CDK2: variants seen among roughly 807,000 people sequenced by gnomAD.
The protein encoded by CDK2 is cyclin-dependent kinase 2.
A neutral mutation model predicts 35.0 loss-of-function variants in CDK2; 8 were observed. The observed-to-expected ratio is 0.23, with a 90% CI of 0.13 to 0.41. The LOEUF is 0.41. Among genes scored for constraint, CDK2 ranks in the 10% least tolerant of loss-of-function variants. CDK2 has a pLI of 1.00. For synonymous variants in CDK2, 134 were observed against 137.7 expected (o/e 0.97, Z 0.19); for missense variants, 201 against 367.1 (o/e 0.55, Z 3.70).
In CDK2 at chr12:55,972,029, C is replaced by A; in HGVS notation, c.*404C>A. ...CTGCTGCCACAATGTTTATAAAGGC[C>A]AAATGATAGCGGGGGCTAAGTTGGT... On this transcript the variant is annotated 3_prime_UTR_variant, in exon 7 of 7. Coordinates refer to ENST00000266970, the MANE Select transcript of CDK2 (RefSeq NM_001798.5). The A allele has an allele frequency of 5.8e-6, 1 of 172,632 alleles. No homozygotes were observed. The highest frequency in any genetic ancestry group is 1.2e-5 in the Non-Finnish European group (1 of 81,196). The allele number at this position is 172,632 out of a possible 1,614,324, so 10.7% of individuals were successfully genotyped here.
intron 3 of CDK2, 128 bp downstream of exon 3, chr12:55,968,297 C>T (rs908577230): frequency 1.0e-5 from 9 of 894,576 alleles, no homozygotes; most frequent in Non-Finnish European, 1.2e-5. Context: ...ACACACTCCC[C>T]TTCTTTTTGT....
chr12:55,970,945 C>T (rs1466936751), intron 5 of CDK2, 99 bp from the exon 6 acceptor site: 2 of 1,024,404 alleles, frequency 2.0e-6, no homozygotes, highest in East Asian at 2.4e-5. Flanking sequence ...TCATGGGGCC[C>T]TGCTGACCTT....
rs1046975536 is a variant in CDK2 at position 55,971,848 on chromosome 12, A to G, written c.*223A>G. 3.9e-6 allele frequency: 2 copies of G among 510,030 alleles called. No homozygotes were observed. 31.6% of individuals were successfully genotyped at this position (510,030 alleles called of 1,614,324 possible). A position where few individuals can be genotyped will look rare whatever the true frequency, so the allele number is the denominator to read the frequency against. ...ATTAGATGCACTTAAGTTAGCCTCC[A>G]CCACCCTTTCCCCCTTCTCTTAGTT... On this transcript the variant is annotated 3_prime_UTR_variant, in exon 7 of 7. Coordinates refer to ENST00000266970, the MANE Select transcript of CDK2 (RefSeq NM_001798.5).
intron 5 of CDK2, chr12:55,970,537 A>G (rs2069408): frequency 0.28 from 188,678 of 682,372 alleles, 28,343 homozygotes; most frequent in Non-Finnish European, 0.33. Flanking sequence ...TTATCCCCCC[A>G]GTGCATTACC....
rs1889468419 is a variant in CDK2, at chr12:55,971,303, A to G, written c.792+56A>G. 2.0e-6 allele frequency: 3 copies of G among 1,536,388 alleles called. No individual in the cohort carries two copies. In the South Asian group the frequency reaches 3.4e-5, roughly 17 times the overall value. ...ATTTCTCCCAGGGAAGGGCTTTTCC[A>G]GGATGAAGGAAGGATGAGACCCTGA... On this transcript the variant is annotated intron_variant, in intron 6 of 6. Coordinates refer to ENST00000266970, the MANE Select transcript of CDK2 (RefSeq NM_001798.5).
At position 55,967,086 on chromosome 12, in the gene CDK2, G is replaced by C; in HGVS notation, c.78G>C (p.Thr26=). Residue 26 remains threonine (T), a synonymous_variant, in exon 1 of 7, where the codon ACG becomes ACC. Transcript: ENST00000266970. ...TGTACAAAGCCAGAAACAAGTTGAC[G>C]GGAGAGGTGGTGGCGCTTAAGAAAA... The part of the protein sequence containing the change: ...GVVYKARNKL[T]GEVVALKKIR... 1 of 1,613,906 alleles carries C rather than the reference G, an allele frequency of 6.2e-7. No homozygotes were observed. The highest frequency in any genetic ancestry group is 1.1e-5 in the South Asian group (1 of 91,002).
At chr12:55,970,939 G>A in intron 5 of CDK2, 105 bp from the exon 6 acceptor site, 1 of 949,564 alleles carries the variant, frequency 1.1e-6, no homozygotes, top group African/African-American at 1.6e-5. Flanking sequence ...AGGGAGTCAT[G>A]GGGCCCTGCT....
At position 55,967,922 on chromosome 12, in the gene CDK2, C is replaced by G; in HGVS notation, c.182C>G (p.Pro61Arg). 6.2e-7 allele frequency: 1 copy of G among 1,613,912 alleles called. No homozygotes were observed. Among genetic ancestry groups the G allele is most frequent in the Non-Finnish European group, 8.5e-7 (1 of 1,179,838 alleles). The change falls in exon 2 of 7, where the codon CCT becomes CGT. Residue 61 changes from proline (P) to arginine (R), a missense_variant. This residue lies in a region of CDK2 where 37 missense variants were observed against 108.4 expected (regional missense o/e 0.34). Coordinates refer to ENST00000266970, the MANE Select transcript of CDK2 (RefSeq NM_001798.5). ...TCTCTGCTTAAGGAGCTTAACCATC[C>G]TAATATTGTCAAGTAAGTATGCGTC... The part of the protein sequence containing the change: ...EISLLKELNH[P>R]NIVKLLDVIH...
In CDK2 at chr12:55,971,777, C is replaced by T. The variant is rs1889483376; in HGVS notation, c.*152C>T. On this transcript the variant is annotated 3_prime_UTR_variant, in exon 7 of 7. Coordinates refer to ENST00000266970, the MANE Select transcript of CDK2 (RefSeq NM_001798.5). ...TCTTGGCCAGCCAACTCTGGGAATA[C>T]AGGGGTGAAAGGGGGGAACCAGTGA... 3.3e-6 allele frequency: 2 copies of T among 605,316 alleles called. No homozygotes were observed. Among genetic ancestry groups the T allele is most frequent in the African/African-American group, 1.9e-5 (1 of 53,710 alleles). The allele number at this position is 605,316 out of a possible 1,614,324, so 37.5% of individuals were successfully genotyped here.
In CDK2 at chr12:55,971,536, G is replaced by A. The variant is rs759820038; in HGVS notation, c.808G>A (p.Asp270Asn). 17 of 1,613,854 alleles carry A rather than the reference G, an allele frequency of 1.1e-5. No individual in the cohort carries two copies. The highest frequency in any genetic ancestry group is 1.7e-5 in the Admixed American group (1 of 60,006). The change falls in exon 7 of 7, where the codon GAC becomes AAC. Residue 270 changes from aspartate (D) to asparagine (N), a missense_variant. By Grantham distance (23) the Asp-to-Asn change is conservative. Transcript: ENST00000266970. ...CTCCCTCTAGCAAATGCTGCACTAC[G>A]ACCCTAACAAGCGGATTTCGGCCAA... Reference protein sequence around the residue: ...RSLLSQMLHYDPNKRISAKAA... With the variant: ...RSLLSQMLHYNPNKRISAKAA...
At position 55,968,927 on chromosome 12, in the gene CDK2, T is replaced by C. The variant is rs910425148; in HGVS notation, c.465T>C (p.Pro155=). The change falls in exon 4 of 7, where the codon CCT becomes CCC. Residue 155 remains proline (P), a synonymous_variant. Transcript: ENST00000266970. ...GACTAGCCAGAGCTTTTGGAGTCCC[T>C]GTTCGTACTTACACCCATGAGGTGA... ...DFGLARAFGV[P]VRTYTHEVVT... The C allele has an allele frequency of 1.2e-5, 20 of 1,601,406 alleles. No homozygotes were observed. The highest frequency in any genetic ancestry group is 1.4e-5 in the Non-Finnish European group (17 of 1,174,760).
At chr12:55,970,127 C>A (rs1889434673) in intron 5 of CDK2, among the ~76,000 whole-genome samples, 1 of 151,606 alleles carries the variant, frequency 6.6e-6, no homozygotes, top group Non-Finnish European at 1.5e-5. Context: ...ACTAAAAATA[C>A]AAAAATTAGC....
rs566502696 is a variant in CDK2 at position 55,971,556 on chromosome 12, G to A, written c.828G>A (p.Ser276=). 2.4e-5 allele frequency: 38 copies of A among 1,614,022 alleles called. No individual in the cohort carries two copies. The highest frequency in any genetic ancestry group is 1.2e-4 in the South Asian group (11 of 91,078). The change falls in exon 7 of 7, where the codon TCG becomes TCA. Residue 276 remains serine (S), a synonymous_variant. Coordinates refer to ENST00000266970, the MANE Select transcript of CDK2 (RefSeq NM_001798.5). The stretch of plus-strand genomic sequence containing the variant: ...ACTACGACCCTAACAAGCGGATTTC[G>A]GCCAAGGCAGCCCTGGCTCACCCTT... ...MLHYDPNKRI[S]AKAALAHPFF...
At chr12:55,969,412 C>A in intron 4 of CDK2, 63 bp from the exon 5 acceptor site, 1 of 832,730 alleles carries the variant, frequency 1.2e-6, no homozygotes, top group Non-Finnish European at 2.0e-6. Flanking sequence ...TGTTGAGGAA[C>A]TGAGATGCGG....
rs928895419 is a variant in CDK2, at chr12:55,971,717, G to A, written c.*92G>A. On this transcript the variant is annotated 3_prime_UTR_variant, in exon 7 of 7. Coordinates refer to ENST00000266970, the MANE Select transcript of CDK2 (RefSeq NM_001798.5). Reference sequence around the variant, plus strand: ...CCTTGGGCTATTTGGACTCAGGTGGGCCCTCTGAACTTGCCTTAAACACTC... The same window carrying A: ...CCTTGGGCTATTTGGACTCAGGTGGACCCTCTGAACTTGCCTTAAACACTC... 7.6e-6 allele frequency: 7 copies of A among 920,472 alleles called. No individual in the cohort carries two copies. Among genetic ancestry groups the A allele is most frequent in the Non-Finnish European group, 1.2e-5 (7 of 572,140 alleles). 57.0% of individuals were successfully genotyped at this position (920,472 alleles called of 1,614,324 possible). A position where few individuals can be genotyped will look rare whatever the true frequency, so the allele number is the denominator to read the frequency against.
chr12:55,969,653 G>A, intron 5 of CDK2, 77 bp downstream of exon 5: 1 of 763,636 alleles, frequency 1.3e-6, no homozygotes. Context: ...ACTGCTTCTT[G>A]GCCCAGACCT....
At chr12:55,970,905 CT>C in intron 5 of CDK2, 138 bp from the exon 6 acceptor site, 1 of 781,324 alleles carries the variant, frequency 1.3e-6, no homozygotes, top group Non-Finnish European at 2.3e-6. Flanking sequence ...TTCTGTGTGA[CT>C]GACCCCATGA....
At position 55,966,837 on chromosome 12, in the gene CDK2, C is replaced by T. The variant is rs1158830068; in HGVS notation, c.-172C>T. ...TCGGTGGGAGGCGGCAACATTGTTT[C>T]AAGTTGGCCAAATTGACAAGAGCGA... On this transcript the variant is annotated 5_prime_UTR_variant, in exon 1 of 7. Coordinates refer to ENST00000266970, the MANE Select transcript of CDK2 (RefSeq NM_001798.5). The T allele has an allele frequency of 1.2e-6, 1 of 869,260 alleles. No homozygotes were observed. Among genetic ancestry groups the T allele is most frequent in the Non-Finnish European group, 1.7e-6 (1 of 597,180 alleles). The allele number at this position is 869,260 out of a possible 1,614,324, so 53.8% of individuals were successfully genotyped here.
intron 4 of CDK2, 72 bp from the exon 5 acceptor site, chr12:55,969,403 G>A: frequency 1.3e-6 from 1 of 765,588 alleles, no homozygotes; most frequent in South Asian, 1.7e-5. Context: ...GCAGAGTAGT[G>A]TTGAGGAACT....
Sources: allele counts gnomAD v4.1 joint callset (sites outside exome capture counted in the v4.1 genomes callset), GRCh38; gene constraint gnomAD v4.1.1; regional missense constraint gnomAD v4.1.1; transcripts MANE v1.5; gene names NCBI Gene and HGNC (gene_info 2026-07-23, HGNC 2026-07-21).